Variants in NPFFR1 observed in about 807,000 individuals in gnomAD.
NPFFR1 encodes the protein neuropeptide FF receptor 1, also known as G-protein coupled receptor 147.
NPFFR1 carries 17 observed loss-of-function variants against 12.7 expected under a neutral mutation model. That is an observed-to-expected ratio of 1.34 (90% CI 0.92 to 2.01). NPFFR1 has a LOEUF of 2.01. Ranked by LOEUF, NPFFR1 falls within the 30% of genes most tolerant of loss-of-function variation. The pLI, the probability that NPFFR1 is intolerant of heterozygous loss-of-function variation, is 0.00. For missense variants in NPFFR1, 604 were observed against 606.5 expected, an observed-to-expected ratio of 1.00 and a Z score of 0.04; for synonymous variants, 296 against 264.5, an observed-to-expected ratio of 1.12 and a Z score of -1.16.
At position 70,253,978 on chromosome 10, in the gene NPFFR1, C is replaced by T. The variant is rs541461971; in HGVS notation, c.*979G>A. On this transcript the variant is annotated 3_prime_UTR_variant, in exon 4 of 4. Coordinates refer to ENST00000277942, the MANE Select transcript of NPFFR1 (RefSeq NM_022146.5). ...TCTCCAAATGGCACTCCGGCTGCAG[C>T]TTCAGTTGACCAACTTCTCCCTCCC... 6.6e-6 allele frequency: 1 copy of T among 152,228 alleles called. No homozygotes were observed. The highest frequency in any genetic ancestry group is 1.5e-5 in the Non-Finnish European group (1 of 68,056). The allele number at this position is 152,228 out of a possible 1,614,324, so 9.4% of individuals were successfully genotyped here.
chr10:70,256,188 C>T (rs1031953256), intron 3 of NPFFR1, among the ~76,000 whole-genome samples: 1 of 151,950 alleles, frequency 6.6e-6, no homozygotes. Context: ...ATCCTCTCCT[C>T]CCACCTCAGC....
chr10:70,278,013 T>C, intron 1 of NPFFR1: 1 of 518,556 alleles, frequency 1.9e-6, no homozygotes, highest in Non-Finnish European at 3.9e-6. Flanking sequence ...TTCTGTCCCC[T>C]AGTCAGTCAT....
At chr10:70,278,954 T>C (rs1840832364) in intron 1 of NPFFR1, among the ~76,000 whole-genome samples, 1 of 152,212 alleles carries the variant, frequency 6.6e-6, no homozygotes, top group Admixed American at 6.5e-5. Context: ...AGATTTAAAA[T>C]AAGTTTTAAG....
At chr10:70,273,659 G>A (rs1366830583) in intron 1 of NPFFR1, among the ~76,000 whole-genome samples, 1 of 152,144 alleles carries the variant, frequency 6.6e-6, no homozygotes, top group Non-Finnish European at 1.5e-5. Flanking sequence ...TCCATCAGGT[G>A]TCTGCACCAA....
At chr10:70,265,376 G>T (rs1301473512) in intron 2 of NPFFR1, among the ~76,000 whole-genome samples, 2 of 152,204 alleles carry the variant, frequency 1.3e-5, no homozygotes, top group African/African-American at 2.4e-5. Context: ...AACAAGAAAG[G>T]CCAGTCGCAT....
At chr10:70,280,133 A>G (rs907095936) in intron 1 of NPFFR1, among the ~76,000 whole-genome samples, 1 of 152,222 alleles carries the variant, frequency 6.6e-6, no homozygotes, top group Admixed American at 6.5e-5. Flanking sequence ...ATCGGTTTAT[A>G]TACACTTAGT....
rs1840544279 is a variant in NPFFR1 at position 70,254,851 on chromosome 10, G to C, written c.*106C>G. 1 of 1,246,006 alleles carries C rather than the reference G, an allele frequency of 8.0e-7. No homozygotes were observed. The highest frequency in any genetic ancestry group is 2.5e-5 in the South Asian group (1 of 40,434). 77.2% of individuals were successfully genotyped at this position (1,246,006 alleles called of 1,614,324 possible). ...CCCACCACTGCCTGGCTCTGGAGAGGGAGGGACCACGCATCCTCACCTAAC... is the reference window on the plus strand; with the variant it reads ...CCCACCACTGCCTGGCTCTGGAGAGCGAGGGACCACGCATCCTCACCTAAC... On this transcript the variant is annotated 3_prime_UTR_variant, in exon 4 of 4. Transcript: ENST00000277942.
chr10:70,271,082 G>T (rs562761506), intron 1 of NPFFR1, among the ~76,000 whole-genome samples: 24 of 152,264 alleles, frequency 1.6e-4, no homozygotes, highest in African/African-American at 5.8e-4. Context: ...TGATTCCAAC[G>T]CACACTGTGG....
rs962516852 is a variant in NPFFR1, at chr10:70,255,388, C to T, written c.862G>A (p.Ala288Thr). The T allele has an allele frequency of 4.5e-6, 7 of 1,548,140 alleles. No individual in the cohort carries two copies. The African/African-American group carries it at 9.6e-5, about 21-fold the overall frequency. The change falls in exon 4 of 4, where the codon GCG becomes ACG. Residue 288 changes from alanine to threonine, a missense_variant. Transcript: ENST00000277942. This position sits in a 1 kb window ranked among gnomAD's most constrained non-coding sequence, Gnocchi z 4.2. The part of the protein sequence containing the change: ...FFTLSWLPLW[A>T]LLLLIDYGQL... ...CCGTAGTCGATGAGCAGCAGCAGCG[C>T]CCAGAGCGGCAGCCAGGACAGCGTG...
chr10:70,277,763 G>A (rs968971995), intron 1 of NPFFR1, among the ~76,000 whole-genome samples: 15 of 152,200 alleles, frequency 9.9e-5, no homozygotes, highest in African/African-American at 3.6e-4. Flanking sequence ...GGGTGGGGCT[G>A]GGGTTAGGCT....
At chr10:70,276,700 TC>T (rs1319597189) in intron 1 of NPFFR1, among the ~76,000 whole-genome samples, 1 of 151,374 alleles carries the variant, frequency 6.6e-6, no homozygotes, top group Non-Finnish European at 1.5e-5. Flanking sequence ...CAATGCTCCT[TC>T]CTCAGCCTCT....
chr10:70,264,285 A>T (rs4402209), intron 2 of NPFFR1, among the ~76,000 whole-genome samples: 148,763 of 149,500 alleles, frequency 1, 74,018 homozygotes, highest in East Asian at 1. Context: ...GAGGCAGGAG[A>T]ATCACTTCAA....
intron 1 of NPFFR1, among the ~76,000 whole-genome samples, chr10:70,273,629 A>G (rs1411267333): frequency 6.6e-6 from 1 of 152,004 alleles, no homozygotes; most frequent in African/African-American, 2.4e-5. Flanking sequence ...TCCTCCTCAC[A>G]TGGAGCTTTT....
intron 2 of NPFFR1, among the ~76,000 whole-genome samples, chr10:70,265,642 A>C (rs954646867): frequency 6.6e-6 from 1 of 152,256 alleles, no homozygotes; most frequent in African/African-American, 2.4e-5. Context: ...AATTCTGCCC[A>C]TGCGAGCTCC....
At chr10:70,280,126 G>A (rs1044711953) in intron 1 of NPFFR1, among the ~76,000 whole-genome samples, 6 of 152,096 alleles carry the variant, frequency 3.9e-5, no homozygotes, top group Admixed American at 2.6e-4. Context: ...TCCATTCATC[G>A]GTTTATATAC....
At chr10:70,283,343 GTCTC>G (rs35152338) in intron 1 of NPFFR1, among the ~76,000 whole-genome samples, 4 of 146,852 alleles carry the variant, frequency 2.7e-5, no homozygotes, top group African/African-American at 5.0e-5. Flanking sequence ...CTCTGTCTCT[GTCTC>G]TCTCTCTCTC....
intron 1 of NPFFR1, among the ~76,000 whole-genome samples, chr10:70,280,210 G>A (rs1840844787): frequency 1.3e-5 from 2 of 152,204 alleles, no homozygotes; most frequent in Non-Finnish European, 2.9e-5. Context: ...ATCTCTTCAA[G>A]TAACTCATTT....
At chr10:70,267,853 A>T (rs1029518945) in intron 1 of NPFFR1, among the ~76,000 whole-genome samples, 3 of 152,168 alleles carry the variant, frequency 2.0e-5, no homozygotes, top group Non-Finnish European at 4.4e-5. Context: ...AGGGACCAGC[A>T]GGGGGCACTG....
chr10:70,268,785 T>C (rs2136802947), intron 1 of NPFFR1, among the ~76,000 whole-genome samples: 1 of 152,324 alleles, frequency 6.6e-6, no homozygotes, highest in Non-Finnish European at 1.5e-5. Context: ...GTCTGTCACA[T>C]TTTATTGGCC....
Sources: gnomAD v4.1 joint callset for allele counts (sites outside exome capture counted in the v4.1 genomes callset) on GRCh38, gnomAD v4.1.1 for gene constraint, Gnocchi (gnomAD v3.1) non-coding constraint, MANE v1.5 for transcripts, NCBI Gene and HGNC (gene_info 2026-07-23, HGNC 2026-07-21) for gene names.